The following OCIAD1 variants were observed in gnomAD, a reference collection of about 807,000 sequenced individuals.
OCIAD1 encodes the protein OCIA domain-containing protein 1.
In OCIAD1, 29 loss-of-function variants were observed where a neutral mutation model predicts 38.9. The ratio of observed to expected loss-of-function variants is 0.74; its 90% CI spans 0.55 to 1.02. The LOEUF is 1.02. OCIAD1 is among the 50% of genes least tolerant of loss of function. OCIAD1 has a pLI of 0.00. For synonymous variants in OCIAD1, 110 were observed against 92.0 expected (o/e 1.20, Z -1.12); for missense variants, 288 against 289.6 (o/e 0.99, Z 0.04).
chr4:48,831,179 G>C lies in OCIAD1; in HGVS notation c.-76G>C, dbSNP rs532939150. 4 of 321,548 alleles carry C rather than the reference G, an allele frequency of 1.2e-5. No homozygotes were observed. Among genetic ancestry groups the C allele is most frequent in the African/African-American group, 8.7e-5 (4 of 46,156 alleles). 19.9% of individuals were successfully genotyped at this position (321,548 alleles called of 1,614,324 possible). ...TTTCTCCCTCCCTGCCCCCTCTCGA[G>C]TCCACCCTCCGGGCCTTCTGCCCCT... On this transcript the variant is annotated 5_prime_UTR_variant, in exon 1 of 9. Coordinates refer to ENST00000264312, the MANE Select transcript of OCIAD1 (RefSeq NM_017830.4).
rs561927269 is a variant in OCIAD1 at position 48,806,807 on chromosome 4, T to G, written c.-103+1477T>G. Among the ~76,000 whole-genome samples, 22 of 152,240 alleles carry G rather than the reference T, an allele frequency of 1.4e-4. No individual in the cohort carries two copies. The East Asian group carries it at 4.1e-3, about 28-fold the overall frequency. Reference sequence around the variant, plus strand: ...TTTTAGTAGAGATGAGATTTCACCATGTCGGCCAGGATGGTCTCGATCTCT... The same window carrying G: ...TTTTAGTAGAGATGAGATTTCACCAGGTCGGCCAGGATGGTCTCGATCTCT... On this transcript the variant is annotated intron_variant, in intron 1 of 6. Coordinates refer to the OCIAD1 transcript ENST00000504654.
At chr4:48,820,004 T>A (rs1453828928) in intron 1 of OCIAD1, among the ~76,000 whole-genome samples, 1 of 152,056 alleles carries the variant, frequency 6.6e-6, no homozygotes, top group African/African-American at 2.4e-5. Context: ...AGACAGATAA[T>A]TAACAAGGAT....
At chr4:48,840,813 T>C (rs1032060625) in intron 3 of OCIAD1, among the ~76,000 whole-genome samples, 1 of 149,674 alleles carries the variant, frequency 6.7e-6, no homozygotes, top group Non-Finnish European at 1.5e-5. Flanking sequence ...CCTGGGCAAC[T>C]TGGCGAAACC....
upstream of OCIAD1, among the ~76,000 whole-genome samples, chr4:48,826,972 T>C (rs749144246): frequency 1.8e-4 from 27 of 152,242 alleles, no homozygotes; most frequent in Non-Finnish European, 4.4e-5. Flanking sequence ...CAGCATTTGA[T>C]ATAATTGACC....
chr4:48,845,291 T>C (rs1366879820), intron 4 of OCIAD1, among the ~76,000 whole-genome samples: 3 of 152,258 alleles, frequency 2.0e-5, no homozygotes, highest in Non-Finnish European at 4.4e-5. Context: ...ACTATCCATA[T>C]GTTCTACCAT....
Position 48,851,824 on chromosome 4 carries a change from A to G in OCIAD1, c.396A>G (p.Ser132=), listed in dbSNP as rs1270095940. 4 of 1,610,868 alleles carry G rather than the reference A, an allele frequency of 2.5e-6. No individual in the cohort carries two copies. Among genetic ancestry groups the G allele is most frequent in the Non-Finnish European group, 2.5e-6 (3 of 1,177,462 alleles). The change falls in exon 7 of 9, where the codon TCA becomes TCG. Residue 132 remains serine, a synonymous_variant. Coordinates refer to ENST00000264312, the MANE Select transcript of OCIAD1 (RefSeq NM_017830.4). ...TTTACAGGCACTATTATCAAAAGTC[A>G]AAATATGACTCAAGTGTGAGTGGTC... ...SSPPGHYYQK[S]KYDSSVSGQS... is the part of the protein sequence containing the mutation.
At chr4:48,840,754 T>C (rs1778439806) in intron 3 of OCIAD1, among the ~76,000 whole-genome samples, 2 of 147,616 alleles carry the variant, frequency 1.4e-5, no homozygotes, top group Admixed American at 1.4e-4. Context: ...CCCAGCACTT[T>C]GGGAGGCTGA....
chr4:48,824,796 C>T (rs1003505072), intron 1 of OCIAD1, among the ~76,000 whole-genome samples: 8 of 152,080 alleles, frequency 5.3e-5, no homozygotes, highest in Non-Finnish European at 1.0e-4. Flanking sequence ...AGTGCAGTGG[C>T]GCAATCATAG....
chr4:48,847,821 G>T (rs1183220686), intron 4 of OCIAD1, among the ~76,000 whole-genome samples: 3 of 152,142 alleles, frequency 2.0e-5, no homozygotes, highest in Non-Finnish European at 2.9e-5. Context: ...TCTATAATAC[G>T]ATTCTTCAGT....
intron 3 of OCIAD1, among the ~76,000 whole-genome samples, chr4:48,834,006 A>G (rs1777760175): frequency 6.6e-6 from 1 of 152,114 alleles, no homozygotes; most frequent in African/African-American, 2.4e-5. Flanking sequence ...AAAGAAATAT[A>G]TATATATTTG....
intron 1 of OCIAD1, among the ~76,000 whole-genome samples, chr4:48,822,895 T>C (rs1215213634): frequency 6.6e-6 from 1 of 152,220 alleles, no homozygotes; most frequent in Non-Finnish European, 1.5e-5. Flanking sequence ...AGACAACAGA[T>C]GCTGGTGAGG....
intron 1 of OCIAD1, among the ~76,000 whole-genome samples, chr4:48,811,322 T>C (rs1449025225): frequency 2.6e-5 from 4 of 152,206 alleles, no homozygotes; most frequent in Non-Finnish European, 4.4e-5. Flanking sequence ...AGATAGCCAC[T>C]CCTTTGCTCA....
At chr4:48,828,745 T>C (rs1403775214), upstream of OCIAD1, among the ~76,000 whole-genome samples, 1 of 152,032 alleles carries the variant, frequency 6.6e-6, no homozygotes. Context: ...AGGAATAAAC[T>C]CCGAGCATGT....
intron 8 of OCIAD1, 77 bp downstream of exon 8, chr4:48,857,442 AAATT>A (rs1780149260): frequency 8.3e-6 from 7 of 840,382 alleles, no homozygotes; most frequent in Non-Finnish European, 1.2e-5. Context: ...ATACTATAAA[AAATT>A]AATTAATATG....
chr4:48,859,221 TA>T (rs3840110), intron 8 of OCIAD1, among the ~76,000 whole-genome samples: 3 of 151,770 alleles, frequency 2.0e-5, no homozygotes, highest in African/African-American at 4.8e-5. Flanking sequence ...ATTATTGATG[TA>T]AAAAAAATCT....
intron 1 of OCIAD1, among the ~76,000 whole-genome samples, chr4:48,816,233 G>T (rs1284754957): frequency 2.0e-5 from 3 of 152,054 alleles, no homozygotes; most frequent in Non-Finnish European, 2.9e-5. Context: ...TTAATATCAT[G>T]GCACACATAG....
chr4:48,828,827 A>G (rs1289082910), upstream of OCIAD1, among the ~76,000 whole-genome samples: 1 of 152,246 alleles, frequency 6.6e-6, no homozygotes, highest in Non-Finnish European at 1.5e-5. Flanking sequence ...GAGGGTCCGC[A>G]GCTTCATTCT....
intron 1 of OCIAD1, among the ~76,000 whole-genome samples, chr4:48,823,883 T>C (rs1272238929): frequency 7.3e-6 from 1 of 136,702 alleles, no homozygotes; most frequent in Non-Finnish European, 1.5e-5. Context: ...CTCAGGCTGG[T>C]CTCAAACTCC....
At chr4:48,845,358 G>A (rs1778892556) in intron 4 of OCIAD1, among the ~76,000 whole-genome samples, 1 of 152,138 alleles carries the variant, frequency 6.6e-6, no homozygotes, top group South Asian at 2.1e-4. Flanking sequence ...CCTGTTTGTT[G>A]CTTAAATATA....
Sources: gnomAD v4.1 joint callset for allele counts (sites outside exome capture counted in the v4.1 genomes callset) on GRCh38, gnomAD v4.1.1 for gene constraint, MANE v1.5 for transcripts, NCBI Gene and HGNC (gene_info 2026-07-23, HGNC 2026-07-21) for gene names.